ROBO2: variants seen among roughly 807,000 people sequenced by gnomAD.
The protein encoded by ROBO2 is roundabout homolog 2.
Under a neutral mutation model 160.8 loss-of-function variants are expected in ROBO2, and 53 were observed. That is an observed-to-expected ratio of 0.33 (90% CI 0.26 to 0.41). The LOEUF is 0.41. ROBO2 is among the 10% of genes least tolerant of loss of function. ROBO2 has a pLI of 1.00. For missense variants in ROBO2, 1,577 were observed against 1,722.4 expected, an observed-to-expected ratio of 0.92 and a Z score of 1.49; for synonymous variants, 664 against 611.7, an observed-to-expected ratio of 1.09 and a Z score of -1.26.
At chr3:77,558,296 T>A in intron 9 of ROBO2, 147 bp downstream of exon 10, 1 of 714,558 alleles carries the variant, frequency 1.4e-6, no homozygotes, top group Non-Finnish European at 2.4e-6. Flanking sequence ...ATTTTAAAAA[T>A]GATGAAATGA....
At chr3:77,099,328 G>C (rs74963409) in intron 2 of ROBO2, among the ~76,000 whole-genome samples, 9,036 of 152,026 alleles carry the variant, frequency 0.059, 352 homozygotes, top group Middle Eastern at 0.13. Flanking sequence ...AATTTCTTAT[G>C]TAGCTATCCC....
At chr3:75,952,795 G>A (rs9820706) in intron 2 of ROBO2, among the ~76,000 whole-genome samples, 65,486 of 151,634 alleles carry the variant, frequency 0.43, 15,396 homozygotes, top group South Asian at 0.65. Context: ...TCTATTCATC[G>A]CTTCCTCTCT....
chr3:77,444,415 T>G (rs1381341895), intron 2 of ROBO2, among the ~76,000 whole-genome samples: 1 of 152,216 alleles, frequency 6.6e-6, no homozygotes, highest in African/African-American at 2.4e-5. Context: ...ATACATTAAC[T>G]TGTGTCTCTG....
At chr3:77,508,354 T>A (rs1030097636) in intron 5 of ROBO2, among the ~76,000 whole-genome samples, 5 of 139,518 alleles carry the variant, frequency 3.6e-5, no homozygotes, top group African/African-American at 9.1e-5. Context: ...ATATAAAACA[T>A]ATATTATTAT....
chr3:76,656,454 T>C (rs2091528300), intron 2 of ROBO2, among the ~76,000 whole-genome samples: 1 of 152,092 alleles, frequency 6.6e-6, no homozygotes, highest in African/African-American at 2.4e-5. Flanking sequence ...AACAAGCACA[T>C]TACCTGCACT....
intron 1 of ROBO2, 53 bp from the exon 2 acceptor site, chr3:77,097,961 G>C (rs9874095): frequency 7.7e-6 from 11 of 1,421,646 alleles, no homozygotes; most frequent in Non-Finnish European, 9.4e-6. Context: ...GTGAAACCGA[G>C]GGTTTAGATA....
chr3:76,803,326 C>A (rs2064372763), intron 2 of ROBO2, among the ~76,000 whole-genome samples: 2 of 151,522 alleles, frequency 1.3e-5, no homozygotes, highest in Non-Finnish European at 2.9e-5. Context: ...TTTCATTCTG[C>A]CTAACCTGAA....
chr3:76,942,889 C>T (rs1439627030), intron 2 of ROBO2, among the ~76,000 whole-genome samples: 1 of 152,028 alleles, frequency 6.6e-6, no homozygotes, highest in African/African-American at 2.4e-5. Flanking sequence ...TTATTGAATA[C>T]TATGTTATAC....
At chr3:77,075,672 C>CTTTTTTTTTTTTTTTTT (rs1174587812) in intron 1 of ROBO2, among the ~76,000 whole-genome samples, 8 of 87,254 alleles carry the variant, frequency 9.2e-5, no homozygotes, top group South Asian at 4.8e-4. Context: ...TTTCTTTCTC[C>CTTTTTTTTTTTTTTTTT]TTTTTTTTTT....
chr3:76,611,887 G>A (rs1376695756), intron 2 of ROBO2, among the ~76,000 whole-genome samples: 1 of 151,762 alleles, frequency 6.6e-6, no homozygotes, highest in Non-Finnish European at 1.5e-5. Flanking sequence ...CTTTTTTTGA[G>A]GCATTTACTG....
At chr3:76,132,496 C>T (rs1387055916) in intron 2 of ROBO2, among the ~76,000 whole-genome samples, 1 of 151,646 alleles carries the variant, frequency 6.6e-6, no homozygotes, top group African/African-American at 2.4e-5. Context: ...CAGGAACACT[C>T]ACAAAACTCA....
At chr3:76,262,549 A>G (rs1017587843) in intron 2 of ROBO2, among the ~76,000 whole-genome samples, 1 of 151,906 alleles carries the variant, frequency 6.6e-6, no homozygotes, top group Non-Finnish European at 1.5e-5. Flanking sequence ...CTGCTCCTTT[A>G]CTCTCCATTT....
At chr3:75,967,110 G>A (rs1199091792) in intron 2 of ROBO2, among the ~76,000 whole-genome samples, 1 of 151,654 alleles carries the variant, frequency 6.6e-6, no homozygotes, top group African/African-American at 2.4e-5. Flanking sequence ...ATAATGTGCT[G>A]ATTTTTCTTT....
At chr3:76,899,597 TGTC>T (rs957043901) in intron 2 of ROBO2, among the ~76,000 whole-genome samples, 9 of 152,320 alleles carry the variant, frequency 5.9e-5, no homozygotes, top group Middle Eastern at 3.4e-3. Context: ...GATATGGACT[TGTC>T]GTCTATTTAA....
chr3:77,382,968 G>A (rs115323517), intron 2 of ROBO2, among the ~76,000 whole-genome samples: 2 of 152,214 alleles, frequency 1.3e-5, no homozygotes, highest in Non-Finnish European at 2.9e-5. Context: ...TAATGACAGA[G>A]AACTTAAAAT....
intron 2 of ROBO2, among the ~76,000 whole-genome samples, chr3:76,199,815 A>G (rs1464190661): frequency 1.3e-5 from 2 of 152,144 alleles, no homozygotes; most frequent in Non-Finnish European, 2.9e-5. Flanking sequence ...TTGACTGCCT[A>G]CAGCTTCTCT....
intron 2 of ROBO2, among the ~76,000 whole-genome samples, chr3:76,107,324 T>C (rs1212358766): frequency 1.3e-5 from 2 of 152,082 alleles, no homozygotes; most frequent in African/African-American, 4.8e-5. Flanking sequence ...AGCCTGTGTG[T>C]GTCACCTCTA....
At chr3:76,332,081 TA>T (rs1429650438) in intron 2 of ROBO2, among the ~76,000 whole-genome samples, 3 of 152,154 alleles carry the variant, frequency 2.0e-5, no homozygotes, top group African/African-American at 7.2e-5. Context: ...ACTACAAAAA[TA>T]AAAAATAGGA....
intron 2 of ROBO2, among the ~76,000 whole-genome samples, chr3:76,203,000 C>A (rs1702611230): frequency 6.6e-6 from 1 of 151,172 alleles, no homozygotes; most frequent in Non-Finnish European, 1.5e-5. Context: ...CACACTCTTC[C>A]CTCCTAAAAT....
Sources: gnomAD v4.1 joint callset for allele counts (sites outside exome capture counted in the v4.1 genomes callset) on GRCh38, gnomAD v4.1.1 for gene constraint, MANE v1.5 for transcripts, NCBI Gene and HGNC (gene_info 2026-07-23, HGNC 2026-07-21) for gene names.